The following XKR9 variants were observed in gnomAD, a reference collection of about 807,000 sequenced individuals.
The protein encoded by XKR9 is XK-related protein 9.
Under a neutral mutation model 32.0 loss-of-function variants are expected in XKR9, and 32 were observed. The ratio of observed to expected loss-of-function variants is 1.00; its 90% confidence interval spans 0.76 to 1.34. XKR9 has a LOEUF of 1.34. Among genes scored for constraint, XKR9 ranks in the 40% most tolerant of loss-of-function variants. The pLI is 0.00. For synonymous variants in XKR9, 168 were observed against 143.4 expected (o/e 1.17, Z -1.22); for missense variants, 546 against 429.7 (o/e 1.27, Z -2.39).
rs575972721 is a variant in XKR9 at position 70,728,660 on chromosome 8, T to C, written c.494-5136T>C. 3.9e-5 allele frequency among the ~76,000 whole-genome samples: 6 copies of C among 152,332 alleles called. No individual in the cohort carries two copies. In the East Asian group the frequency reaches 5.8e-4, roughly 15 times the overall value. ...AGAACAGCTAACAACAGGTGTACTA[T>C]AGTATTTTCTTTTGAAGCATAATTT... On this transcript the variant is annotated intron_variant, in intron 4 of 4. Transcript: ENST00000408926.
At chr8:70,709,263 C>T (rs1805825660) in intron 4 of XKR9, among the ~76,000 whole-genome samples, 1 of 152,098 alleles carries the variant, frequency 6.6e-6, no homozygotes, top group Non-Finnish European at 1.5e-5. Context: ...TACAAACCCT[C>T]AACAAACTAG....
In XKR9 at chr8:70,707,133, G is replaced by A; in HGVS notation, c.473G>A (p.Gly158Glu). The A allele has an allele frequency of 1.9e-6, 3 of 1,612,680 alleles. No individual in the cohort carries two copies. The highest frequency in any genetic ancestry group is 1.3e-5 in the African/African-American group (1 of 75,008). The change falls in exon 4 of 5, where the codon GGA (glycine) becomes GAA (glutamate). Residue 158 changes from glycine to glutamate, a missense_variant. By Grantham distance (98) the Gly-to-Glu change is moderately conservative (BLOSUM62 -2). Coordinates refer to ENST00000408926, the MANE Select transcript of XKR9 (RefSeq NM_001011720.2). ...ILQLYILLEH[G>E]QANFSQYAAI... is the part of the protein sequence containing the mutation. The stretch of plus-strand genomic sequence containing the variant: ...CAACTCTACATTCTTCTGGAGCATG[G>A]ACAAGCGAATTTCAGTCAGTGTAAG...
intron 2 of XKR9, among the ~76,000 whole-genome samples, chr8:70,771,916 T>G (rs1432150693): frequency 6.6e-6 from 1 of 152,182 alleles, no homozygotes; most frequent in Non-Finnish European, 1.5e-5. Context: ...TTTTGAAAAA[T>G]TAATTAAAAT....
At chr8:70,773,886 T>C (rs1034899834) in intron 2 of XKR9, among the ~76,000 whole-genome samples, 1 of 152,184 alleles carries the variant, frequency 6.6e-6, no homozygotes, top group African/African-American at 2.4e-5. Context: ...GCTGTTAGAA[T>C]AGGGTCATCT....
chr8:70,944,797 C>T, the XKR9 span, among the ~76,000 whole-genome samples: 1 of 152,178 alleles, frequency 6.6e-6, no homozygotes, highest in African/African-American at 2.4e-5. Flanking sequence ...CCGTTTTTAT[C>T]CCATCTCTCT....
At chr8:70,795,999 A>G in the XKR9 span, among the ~76,000 whole-genome samples, 2 of 151,816 alleles carry the variant, frequency 1.3e-5, no homozygotes, top group Non-Finnish European at 2.9e-5. Context: ...CTTTGTGGAA[A>G]GTTTTTTGAT....
chr8:70,762,045 C>T (rs1807316042), intron 2 of XKR9, among the ~76,000 whole-genome samples: 1 of 152,066 alleles, frequency 6.6e-6, no homozygotes, highest in Non-Finnish European at 1.5e-5. Flanking sequence ...CTATTCTGTT[C>T]CATTGGTCTA....
chr8:70,894,019 GTTA>G, the XKR9 span, among the ~76,000 whole-genome samples: 1 of 151,938 alleles, frequency 6.6e-6, no homozygotes, highest in Non-Finnish European at 1.5e-5. Flanking sequence ...GGTTGTAGCT[GTTA>G]TTATACCTCT....
the XKR9 span, among the ~76,000 whole-genome samples, chr8:70,949,185 G>A: frequency 6.6e-6 from 1 of 152,072 alleles, no homozygotes; most frequent in Non-Finnish European, 1.5e-5. Context: ...TAGTTGTAAG[G>A]ATTTTTTGAC....
In XKR9 at chr8:70,745,109, G is replaced by A. The variant is rs1477498925; in HGVS notation, n.352+37956G>A. Among the ~76,000 whole-genome samples the A allele has an allele frequency of 3.4e-5, 5 of 147,026 alleles. No individual in the cohort carries two copies. The South Asian group carries it at 1.1e-3, about 31-fold the overall frequency. On this transcript the variant is annotated intron_variant and non_coding_transcript_variant, in intron 2 of 3. Transcript: ENST00000520273. ...ATGCTAAGTGTCCCACACAAACATA[G>A]ATTAAGTATTCATTCCATCCAACAA...
chr8:70,896,160 TGCA>T, the XKR9 span, among the ~76,000 whole-genome samples: 1 of 152,216 alleles, frequency 6.6e-6, no homozygotes, highest in Non-Finnish European at 1.5e-5. Flanking sequence ...AGATAGTGGT[TGCA>T]GTTTTTAAAA....
intron 3 of XKR9, among the ~76,000 whole-genome samples, chr8:70,682,922 A>G (rs1188036099): frequency 6.6e-6 from 1 of 152,202 alleles, no homozygotes; most frequent in East Asian, 1.9e-4. Flanking sequence ...AGTTCATACA[A>G]AGCTGCTTTG....
chr8:70,776,102 T>C (rs533622203), intron 2 of XKR9, among the ~76,000 whole-genome samples: 1 of 152,240 alleles, frequency 6.6e-6, no homozygotes, highest in East Asian at 1.9e-4. Context: ...GAAAGCCCTG[T>C]TTCACAAAAT....
chr8:71,051,758 G>A, the XKR9 span, among the ~76,000 whole-genome samples: 22 of 152,170 alleles, frequency 1.4e-4, no homozygotes, highest in African/African-American at 5.1e-4. Flanking sequence ...GCTTAAACCA[G>A]GAGAAAATGC....
At chr8:70,937,249 A>G in the XKR9 span, among the ~76,000 whole-genome samples, 64,191 of 151,934 alleles carry the variant, frequency 0.42, 14,653 homozygotes, top group Non-Finnish European at 0.52. Context: ...ATGTTTACTA[A>G]AGTTTAAGAT....
the XKR9 span, among the ~76,000 whole-genome samples, chr8:70,991,836 G>C: frequency 6.6e-6 from 1 of 152,158 alleles, no homozygotes. Flanking sequence ...AATTTCTTTT[G>C]TGTCATGATT....
chr8:71,023,127 T>C, the XKR9 span, among the ~76,000 whole-genome samples: 1 of 152,222 alleles, frequency 6.6e-6, no homozygotes, highest in African/African-American at 2.4e-5. Flanking sequence ...TATTGGAATC[T>C]GTTGCTGGAC....
the XKR9 span, among the ~76,000 whole-genome samples, chr8:70,979,565 G>A: frequency 9.9e-3 from 1,509 of 152,298 alleles, 23 homozygotes; most frequent in African/African-American, 0.034. Context: ...TATCTCCAGC[G>A]GAGGCTGTAG....
the XKR9 span, among the ~76,000 whole-genome samples, chr8:70,870,544 T>A: frequency 6.6e-6 from 1 of 152,184 alleles, no homozygotes; most frequent in Non-Finnish European, 1.5e-5. Flanking sequence ...TCTCATAAAG[T>A]ATGGAAGCCA....
Sources: allele counts gnomAD v4.1 joint callset (sites outside exome capture counted in the v4.1 genomes callset), GRCh38; gene constraint gnomAD v4.1.1; transcripts MANE v1.5; gene names NCBI Gene and HGNC (gene_info 2026-07-23, HGNC 2026-07-21).